The following PROM1 variants were observed in gnomAD, a reference collection of about 807,000 sequenced individuals.
PROM1 encodes prominin-1.
Under a neutral mutation model 116.9 loss-of-function variants are expected in PROM1, and 105 were observed. That is an observed-to-expected ratio of 0.90 (90% CI 0.77 to 1.06). The LOEUF (loss-of-function observed/expected upper bound fraction) is 1.06, where lower values mean the gene tolerates loss of function less well. Ranked by LOEUF, PROM1 falls within the 50% of genes least tolerant of loss-of-function variation. The probability of loss-of-function intolerance (pLI) is 0.00; values close to 1 mark genes in which losing one functional copy is unlikely to be tolerated. For synonymous variants in PROM1, 393 were observed against 387.0 expected (o/e 1.02, Z -0.18); for missense variants, 1,122 against 1,045.2 (o/e 1.07, Z -1.01).
At chr4:15,995,331 CGAAGAAGACGAA>C (rs1427531490) in intron 15 of PROM1, among the ~76,000 whole-genome samples, 31 of 72,252 alleles carry the variant, frequency 4.3e-4, no homozygotes, top group Admixed American at 7.0e-4. Flanking sequence ...AAGAAGAAGA[CGAAGAAGACGAA>C]GAAGAAGAAG....
chr4:15,987,020 T>C (rs184625045), intron 20 of PROM1, among the ~76,000 whole-genome samples: 1 of 152,340 alleles, frequency 6.6e-6, no homozygotes, highest in Non-Finnish European at 1.5e-5. Context: ...CTGTGGTAGG[T>C]AGATTGCATT....
At chr4:16,025,335 G>A in intron 5 of PROM1, 23 bp from the exon 6 acceptor site, 1 of 1,612,864 alleles carries the variant, frequency 6.2e-7, no homozygotes, top group Non-Finnish European at 8.5e-7. Flanking sequence ...GCAGAGAGAA[G>A]AAAGAGCATT....
intron 19 of PROM1, 26 bp downstream of exon 19, chr4:15,989,706 A>G: frequency 1.3e-6 from 2 of 1,550,476 alleles, no homozygotes; most frequent in Admixed American, 1.8e-5. Context: ...GGTCACAGTG[A>G]AATACAATAC....
chr4:16,009,319 C>A (rs528561068), intron 11 of PROM1, among the ~76,000 whole-genome samples: 1 of 152,352 alleles, frequency 6.6e-6, no homozygotes, highest in Middle Eastern at 3.4e-3. Context: ...TGAGCACTGA[C>A]TTTAATGAGA....
rs34449961 is a variant in PROM1 at position 16,004,012 on chromosome 4, C to T, written c.1454+2526G>A. 9.4e-3 allele frequency among the ~76,000 whole-genome samples: 1,432 copies of T among 152,282 alleles called. 10 individuals carry two copies. Among genetic ancestry groups the T allele is most frequent in the Non-Finnish European group, 0.014 (920 of 68,014 alleles). ...TGCAACAAAACTACACATACTCTTT[C>T]TGGTTTCTACAAGCAAGTAAACAGT... On this transcript the variant is annotated intron_variant, in intron 13 of 27. Transcript: ENST00000447510.
chr4:15,985,844 A>G lies in PROM1; in HGVS notation c.2212-16T>C. 4 of 382,360 alleles carry G rather than the reference A, an allele frequency of 1.0e-5. No homozygotes were observed. The highest frequency in any genetic ancestry group is 1.5e-5 in the Non-Finnish European group (4 of 269,552). 23.7% of individuals were successfully genotyped at this position (382,360 alleles called of 1,614,324 possible). A position where few individuals can be genotyped will look rare whatever the true frequency, so the allele number is the denominator to read the frequency against. On this transcript the variant is annotated splice_polypyrimidine_tract_variant and intron_variant, in intron 21 of 27. Transcript: ENST00000447510. ...TCTTAGTTTCCTGGAAAGAAACAAAAGATGAGTAGAAGCATTAAAATGATG... is the reference window on the plus strand; with the variant it reads ...TCTTAGTTTCCTGGAAAGAAACAAAGGATGAGTAGAAGCATTAAAATGATG...
At chr4:15,999,210 G>A (rs1055999855) in intron 14 of PROM1, among the ~76,000 whole-genome samples, 2 of 150,632 alleles carry the variant, frequency 1.3e-5, no homozygotes, top group African/African-American at 2.4e-5. Flanking sequence ...TGTGGCTCAC[G>A]CCTGTAATCC....
intron 22 of PROM1, 131 bp from the exon 23 acceptor site, chr4:15,984,486 C>T: frequency 1.7e-6 from 1 of 592,004 alleles, no homozygotes; most frequent in Non-Finnish European, 2.9e-6. Context: ...GGGTCCCCAA[C>T]TCCTGGGTCA....
chr4:15,978,763 T>C (rs1395403417), intron 26 of PROM1, among the ~76,000 whole-genome samples: 1 of 152,182 alleles, frequency 6.6e-6, no homozygotes, highest in Non-Finnish European at 1.5e-5. Flanking sequence ...TGTCTCCACC[T>C]CTTATAAGCA....
intron 20 of PROM1, 116 bp from the exon 21 acceptor site, chr4:15,986,153 G>A (rs1719355879): frequency 2.8e-6 from 2 of 704,356 alleles, no homozygotes; most frequent in African/African-American, 1.8e-5. Flanking sequence ...ACCTGGACCT[G>A]CTAGTTAAGA....
At chr4:15,983,561 C>G (rs923329437) in intron 23 of PROM1, among the ~76,000 whole-genome samples, 1 of 152,108 alleles carries the variant, frequency 6.6e-6, no homozygotes, top group South Asian at 2.1e-4. Flanking sequence ...CCAGTCCAGG[C>G]AGAAGAAACG....
intron 26 of PROM1, among the ~76,000 whole-genome samples, chr4:15,978,813 A>C (rs1387960678): frequency 6.6e-6 from 1 of 152,224 alleles, no homozygotes; most frequent in Non-Finnish European, 1.5e-5. Flanking sequence ...AATTCTTAGT[A>C]GAGCCTCAGA....
chr4:16,021,095 A>G (rs1171634771), intron 8 of PROM1, among the ~76,000 whole-genome samples: 1 of 80,108 alleles, frequency 1.2e-5, no homozygotes, highest in Non-Finnish European at 2.8e-5. Flanking sequence ...AATCATTTTT[A>G]GCCAAAAAAA....
At chr4:16,078,703 A>C (rs1744447185) in intron 1 of PROM1, among the ~76,000 whole-genome samples, 1 of 152,218 alleles carries the variant, frequency 6.6e-6, no homozygotes, top group African/African-American at 2.4e-5. Context: ...GGGATGATGA[A>C]GAAGGTGACA....
intron 5 of PROM1, among the ~76,000 whole-genome samples, chr4:16,029,008 A>G (rs1352470779): frequency 6.6e-6 from 1 of 152,206 alleles, no homozygotes; most frequent in East Asian, 1.9e-4. Context: ...GCTCTTACCA[A>G]TTTCTACTGA....
At position 15,972,097 on chromosome 4, in the gene PROM1, G is replaced by C. The variant is rs75161294; in HGVS notation, c.2583-1015C>G. On this transcript the variant is annotated intron_variant, in intron 26 of 27. Transcript: ENST00000447510. ...CTACATTTGCCTTATTGAGCAGAGG[G>C]ATGCTGGGCACACTAACAGGATCAC... is the stretch of plus-strand genomic sequence containing the variant. Among the ~76,000 whole-genome samples the C allele has an allele frequency of 1.1e-3, 166 of 152,210 alleles. 2 individuals are homozygous for C. In the East Asian group the frequency reaches 0.026, roughly 24 times the overall value.
At chr4:15,980,576 T>A (rs371838461) in intron 23 of PROM1, 39 bp from the exon 24 acceptor site, 2 of 1,257,638 alleles carry the variant, frequency 1.6e-6, no homozygotes, top group Non-Finnish European at 2.2e-6. Flanking sequence ...TGTTTGAAGA[T>A]AAGAAATGGG....
chr4:16,057,490 A>T (rs1739324266), intron 2 of PROM1, among the ~76,000 whole-genome samples: 1 of 152,242 alleles, frequency 6.6e-6, no homozygotes, highest in African/African-American at 2.4e-5. Flanking sequence ...GAACAGTCAC[A>T]TCACCACCTT....
At chr4:15,991,408 G>A in intron 17 of PROM1, 115 bp from the exon 18 acceptor site, 4 of 649,124 alleles carry the variant, frequency 6.2e-6, no homozygotes, top group Non-Finnish European at 1.0e-5. Context: ...AATCATGTGA[G>A]GTCAGAAACT....
Sources: gnomAD v4.1 joint callset for allele counts (sites outside exome capture counted in the v4.1 genomes callset) on GRCh38, gnomAD v4.1.1 for gene constraint, MANE v1.5 for transcripts, NCBI Gene and HGNC (gene_info 2026-07-23, HGNC 2026-07-21) for gene names.